The following SBNO1 variants were observed in gnomAD, a reference collection of about 807,000 sequenced individuals.
The protein encoded by SBNO1 is protein strawberry notch homolog 1.
Under a neutral mutation model 173.6 loss-of-function variants are expected in SBNO1, and 23 were observed. The ratio of observed to expected loss-of-function variants is 0.13; its 90% CI spans 0.10 to 0.19. The LOEUF is 0.19. Ranked by LOEUF, SBNO1 falls within the 10% of genes least tolerant of loss-of-function variation. SBNO1 has a pLI of 1.00. For missense variants in SBNO1, 1,238 were observed against 1,671.2 expected (o/e 0.74, Z 4.52); for synonymous variants, 632 against 571.5 (o/e 1.11, Z -1.51).
Position 123,331,235 on chromosome 12 carries a change from C to A in SBNO1, c.1043+7G>T. The A allele has an allele frequency of 6.2e-7, 1 of 1,613,188 alleles. No homozygotes were observed. The highest frequency in any genetic ancestry group is 8.5e-7 in the Non-Finnish European group (1 of 1,179,512). ...GCCTGGCCCACAGCCAGTTTTTAAA[C>A]ACTTACCACAATGCTCGTTTTCTAC... On this transcript the variant is annotated splice_region_variant and intron_variant, in intron 8 of 31. Transcript: ENST00000602398.
intron 9 of SBNO1, among the ~76,000 whole-genome samples, chr12:123,329,159 C>G (rs570112055): frequency 6.6e-6 from 1 of 152,120 alleles, no homozygotes; most frequent in Non-Finnish European, 1.5e-5. Context: ...GTGGGTGGAT[C>G]GCTTGAGCTC....
At chr12:123,334,928 C>T (rs1406554410) in intron 6 of SBNO1, among the ~76,000 whole-genome samples, 1 of 152,158 alleles carries the variant, frequency 6.6e-6, no homozygotes, top group African/African-American at 2.4e-5. Flanking sequence ...AAGGTTCATG[C>T]TTGTAATCTC....
intron 19 of SBNO1, 103 bp from the exon 20 acceptor site, chr12:123,320,134 G>A: frequency 7.7e-7 from 1 of 1,294,926 alleles, no homozygotes; most frequent in Non-Finnish European, 1.1e-6. Flanking sequence ...AGCACAGGCT[G>A]TGCTGCACCA....
intron 30 of SBNO1, among the ~76,000 whole-genome samples, chr12:123,299,697 A>AAAAC (rs1218742338): frequency 2.0e-5 from 3 of 151,064 alleles, no homozygotes; most frequent in Admixed American, 6.6e-5. Flanking sequence ...AAAAAAAAAA[A>AAAAC]AACAAAAAAG....
chr12:123,324,978 T>G (rs1393695712), intron 15 of SBNO1, among the ~76,000 whole-genome samples: 2 of 151,726 alleles, frequency 1.3e-5, no homozygotes, highest in African/African-American at 4.8e-5. Context: ...CCCAACTAAT[T>G]TTTTTTATTT....
chr12:123,328,025 T>C lies in SBNO1; in HGVS notation c.1299A>G (p.Ile433Met). 6.2e-7 allele frequency: 1 copy of C among 1,605,062 alleles called. No homozygotes were observed. Among genetic ancestry groups the C allele is most frequent in the Non-Finnish European group, 8.5e-7 (1 of 1,174,594 alleles). The change falls in exon 11 of 32, where the codon ATA becomes ATG. Residue 433 changes from isoleucine (I) to methionine (M), a missense_variant and splice_region_variant. Coordinates refer to ENST00000602398, the MANE Select transcript of SBNO1 (RefSeq NM_001167856.3). ...TGGCTTTATGACACTCATCAAACAC[T>C]ATCTAAATGGAATGAGTTAAGGAAT... ...HWCGDDFDGV[I>M]VFDECHKAKN... is the part of the protein sequence containing the mutation.
chr12:123,311,720 C>CTATCTATCTATA (rs1224940028), intron 24 of SBNO1, among the ~76,000 whole-genome samples: 119 of 127,438 alleles, frequency 9.3e-4, no homozygotes, highest in Admixed American at 2.5e-3. Flanking sequence ...ATCTATCTAT[C>CTATCTATCTATA]TATATATATA....
At position 123,289,156 on chromosome 12, in the gene SBNO1, ACAAAAACC is replaced by A. The variant is rs924947528; in HGVS notation, c.*6744_*6751del. On this transcript the variant is annotated 3_prime_UTR_variant, in exon 32 of 32. Transcript: ENST00000602398. ...GAATCTTACAAAAACAAAAAACAAA[ACAAAAACC>A]ACCACAACAGAAAAAAAAACTAAAT... The A allele has an allele frequency of 9.3e-5, 14 of 151,318 alleles. No homozygotes were observed. Among genetic ancestry groups the A allele is most frequent in the Non-Finnish European group, 1.9e-4 (13 of 68,008 alleles). 9.4% of individuals were successfully genotyped at this position (151,318 alleles called of 1,614,324 possible).
intron 24 of SBNO1, among the ~76,000 whole-genome samples, chr12:123,312,568 C>T (rs1009742739): frequency 2.0e-5 from 3 of 151,902 alleles, no homozygotes; most frequent in Admixed American, 2.0e-4. Flanking sequence ...AAAAATTAGC[C>T]AGGTATGGTG....
intron 5 of SBNO1, among the ~76,000 whole-genome samples, chr12:123,338,473 G>A (rs1872121802): frequency 6.6e-6 from 1 of 152,120 alleles, no homozygotes; most frequent in South Asian, 2.1e-4. Flanking sequence ...ACGAGGTCAG[G>A]AGTTCAAGAC....
At chr12:123,364,311 G>A in intron 1 of SBNO1, 1 of 985,642 alleles carries the variant, frequency 1.0e-6, no homozygotes. Flanking sequence ...CGCGGGTCCC[G>A]GACCCGCAGC....
chr12:123,303,658 GTAACAT>G (rs145808586), intron 29 of SBNO1, among the ~76,000 whole-genome samples: 13,193 of 151,760 alleles, frequency 0.087, 1,587 homozygotes, highest in African/African-American at 0.27. Flanking sequence ...CTTAAGGCTG[GTAACAT>G]TAAGACTGTG....
Position 123,350,432 on chromosome 12 carries a change from G to C in SBNO1, c.10C>G (p.Pro4Ala), listed in dbSNP as rs990017261. The change falls in exon 2 of 32, where the codon CCA (proline) becomes GCA (alanine). Residue 4 changes from proline (P) to alanine (A), a missense_variant. Pro to Ala is a conservative substitution (Grantham distance 27, BLOSUM62 -1). Coordinates refer to ENST00000602398, the MANE Select transcript of SBNO1 (RefSeq NM_001167856.3). Reference sequence around the variant, plus strand: ...GCAGCAAGCAGTAAATCTTGCCCTGGCTCCACCATCTTTAAAGGGAAATAT... The same window carrying C: ...GCAGCAAGCAGTAAATCTTGCCCTGCCTCCACCATCTTTAAAGGGAAATAT... MVE[P>A]GQDLLLAALS... 4 of 1,612,804 alleles carry C rather than the reference G, an allele frequency of 2.5e-6. No homozygotes were observed. The highest frequency in any genetic ancestry group is 1.3e-5 in the African/African-American group (1 of 74,824).
intron 20 of SBNO1, 48 bp downstream of exon 20, chr12:123,319,852 T>A: frequency 1.3e-6 from 2 of 1,546,758 alleles, no homozygotes; most frequent in Non-Finnish European, 1.8e-6. Context: ...TTAATCTAAA[T>A]ATACAGGCAT....
Position 123,350,361 on chromosome 12 carries a change from A to G in SBNO1, c.81T>C (p.Asp27=), listed in dbSNP as rs1873735689. 2 of 1,613,900 alleles carry G rather than the reference A, an allele frequency of 1.2e-6. No individual in the cohort carries two copies. The highest frequency in any genetic ancestry group is 2.7e-5 in the African/African-American group (2 of 74,922). The change falls in exon 2 of 32, where the codon GAT becomes GAC. Residue 27 remains aspartate, a synonymous_variant. Coordinates refer to ENST00000602398, the MANE Select transcript of SBNO1 (RefSeq NM_001167856.3). The stretch of plus-strand genomic sequence containing the variant: ...GAGTTGCAAGCCCTGCATCTCCACC[A>G]TCAATATCAAAGAGGTCATTCGGAC... The part of the protein sequence containing the change: ...GISPNDLFDI[D]GGDAGLATPM...
At chr12:123,306,343 A>T (rs1181514119) in intron 28 of SBNO1, among the ~76,000 whole-genome samples, 1 of 152,162 alleles carries the variant, frequency 6.6e-6, no homozygotes, top group Non-Finnish European at 1.5e-5. Flanking sequence ...ACACACACTG[A>T]AAAGTATGGT....
intron 31 of SBNO1, among the ~76,000 whole-genome samples, chr12:123,296,284 T>TG (rs773973713): frequency 4.9e-5 from 7 of 143,420 alleles, no homozygotes; most frequent in Non-Finnish European, 6.2e-5. Flanking sequence ...GCTATCTTGT[T>TG]GGAGGAATAG....
At chr12:123,308,191 A>G (rs1253084351) in intron 28 of SBNO1, among the ~76,000 whole-genome samples, 2 of 152,022 alleles carry the variant, frequency 1.3e-5, no homozygotes, top group African/African-American at 2.4e-5. Flanking sequence ...CTGAATATCT[A>G]CATACTGTTG....
Position 123,320,623 on chromosome 12 carries a change from T to A in SBNO1, c.2492-16A>T. On this transcript the variant is annotated splice_polypyrimidine_tract_variant and intron_variant, in intron 18 of 31. Coordinates refer to ENST00000602398, the MANE Select transcript of SBNO1 (RefSeq NM_001167856.3). ...TTACTGTTAGCTAGATAAAGAACAT[T>A]TGCTAAAAGTTAGTACAAAGTTTAA... is the stretch of plus-strand genomic sequence containing the variant. 1 of 1,601,828 alleles carries A rather than the reference T, an allele frequency of 6.2e-7. No homozygotes were observed. Among genetic ancestry groups the A allele is most frequent in the Non-Finnish European group, 8.5e-7 (1 of 1,176,022 alleles).
Sources: allele counts gnomAD v4.1 joint callset (sites outside exome capture counted in the v4.1 genomes callset), GRCh38; gene constraint gnomAD v4.1.1; transcripts MANE v1.5; gene names NCBI Gene and HGNC (gene_info 2026-07-23, HGNC 2026-07-21).